TRERF1: variants seen among roughly 807,000 people sequenced by gnomAD.
TRERF1 encodes transcriptional-regulating factor 1.
Under a neutral mutation model 122.9 loss-of-function variants are expected in TRERF1, and 27 were observed. The observed-to-expected ratio is 0.22, with a 90% CI of 0.16 to 0.30. The LOEUF is 0.30. Among genes scored for constraint, TRERF1 ranks in the 10% least tolerant of loss-of-function variants. The probability of loss-of-function intolerance (pLI) is 1.00; values close to 1 mark genes in which losing one functional copy is unlikely to be tolerated. For synonymous variants in TRERF1, 636 were observed against 641.7 expected (o/e 0.99, Z 0.13); for missense variants, 1,248 against 1,560.3 (o/e 0.80, Z 3.37).
intron 2 of TRERF1, among the ~76,000 whole-genome samples, chr6:42,399,592 T>A (rs1779107190): frequency 6.6e-6 from 1 of 152,182 alleles, no homozygotes; most frequent in Non-Finnish European, 1.5e-5. Context: ...TAGCTTTGTA[T>A]CTAAAACACT....
intron 5 of TRERF1, among the ~76,000 whole-genome samples, chr6:42,267,011 C>T (rs954935670): frequency 3.3e-5 from 5 of 152,094 alleles, no homozygotes; most frequent in Non-Finnish European, 5.9e-5. Flanking sequence ...ATGGTATCTG[C>T]GAGACTCACA....
intron 2 of TRERF1, among the ~76,000 whole-genome samples, chr6:42,437,771 C>T (rs968086940): frequency 1.4e-4 from 21 of 152,156 alleles, no homozygotes; most frequent in African/African-American, 5.1e-4. Context: ...GAACGAGCTT[C>T]TGCATTTCTT....
At chr6:42,417,530 G>T (rs185238342) in intron 2 of TRERF1, among the ~76,000 whole-genome samples, 5 of 152,202 alleles carry the variant, frequency 3.3e-5, no homozygotes, top group Admixed American at 2.6e-4. Flanking sequence ...AGCCCAGTAT[G>T]ATGAGGCACT....
intron 3 of TRERF1, among the ~76,000 whole-genome samples, chr6:42,346,644 T>C (rs1030097241): frequency 1.3e-5 from 2 of 152,102 alleles, no homozygotes; most frequent in African/African-American, 2.4e-5. Context: ...TTTCAAAAGA[T>C]GGCTTTGCAG....
In TRERF1 at chr6:42,259,529, G is replaced by C. The variant is rs777272561; in HGVS notation, c.2079C>G (p.Leu693=). The C allele has an allele frequency of 2.5e-6, 4 of 1,613,266 alleles. No individual in the cohort carries two copies. The highest frequency in any genetic ancestry group is 3.4e-6 in the Non-Finnish European group (4 of 1,179,748). ...TGGGGTCCAGGAGCAGGTGGTCCCC[G>C]AGGACGCGCGGGGAGCGCAGCTGGC... Residue 693 remains leucine (L), a synonymous_variant, in exon 9 of 18, where the codon CTC becomes CTG. Transcript: ENST00000372922. This position sits in a 1 kb window ranked among gnomAD's most constrained non-coding sequence, Gnocchi z 4.9.
chr6:42,428,801 A>G (rs1475211962), intron 2 of TRERF1, among the ~76,000 whole-genome samples: 1 of 152,216 alleles, frequency 6.6e-6, no homozygotes, highest in Non-Finnish European at 1.5e-5. Context: ...TTAGAAAAGA[A>G]TGCTGGGAGG....
intron 3 of TRERF1, among the ~76,000 whole-genome samples, chr6:42,352,419 T>TA (rs1297766762): frequency 6.6e-6 from 1 of 152,252 alleles, no homozygotes; most frequent in African/African-American, 2.4e-5. Flanking sequence ...AAATTATAGG[T>TA]ATATTTTTAA....
intron 2 of TRERF1, among the ~76,000 whole-genome samples, chr6:42,424,464 T>G (rs76464813): frequency 0.024 from 3,694 of 152,324 alleles, 159 homozygotes; most frequent in African/African-American, 0.085. Flanking sequence ...TAAAATTATT[T>G]TATGCATTTG....
intron 2 of TRERF1, among the ~76,000 whole-genome samples, chr6:42,395,298 A>G (rs192909562): frequency 1.2e-4 from 19 of 152,302 alleles, no homozygotes; most frequent in African/African-American, 4.3e-4. Context: ...ACACCCAGAA[A>G]ATGAACAGCA....
chr6:42,246,447 C>A lies in TRERF1; in HGVS notation c.2745+9G>T, dbSNP rs375931202. On this transcript the variant is annotated intron_variant, in intron 14 of 17. Transcript: ENST00000372922. ...ATTTCAAGGGGGCAATGGGAAAAAT[C>A]ATGCTTACCATCTTCTGTACAAAAA... 24 of 1,568,328 alleles carry A rather than the reference C, an allele frequency of 1.5e-5. No homozygotes were observed. In the African/African-American group the frequency reaches 2.9e-4, roughly 19 times the overall value.
chr6:42,396,660 C>T (rs60880319), intron 2 of TRERF1, among the ~76,000 whole-genome samples: 15,030 of 152,198 alleles, frequency 0.099, 1,167 homozygotes, highest in African/African-American at 0.22. Context: ...CTCAGGCAAG[C>T]TACTCAACCT....
intron 3 of TRERF1, among the ~76,000 whole-genome samples, chr6:42,309,943 T>C (rs965018509): frequency 4.0e-5 from 6 of 151,626 alleles, no homozygotes; most frequent in Non-Finnish European, 8.8e-5. Context: ...GGGTCTCCTT[T>C]AGCAGAGACA....
chr6:42,238,589 G>T (rs1772819687), intron 15 of TRERF1, among the ~76,000 whole-genome samples: 3 of 152,114 alleles, frequency 2.0e-5, no homozygotes, highest in Non-Finnish European at 4.4e-5. Flanking sequence ...GGCAAATATG[G>T]GGGTGGGGAG....
intron 2 of TRERF1, among the ~76,000 whole-genome samples, chr6:42,397,198 T>G (rs777991824): frequency 3.3e-5 from 5 of 152,132 alleles, no homozygotes; most frequent in Non-Finnish European, 5.9e-5. Context: ...GAGGGCATCA[T>G]CGGAGTATGG....
At chr6:42,434,497 G>A (rs1784949364) in intron 2 of TRERF1, among the ~76,000 whole-genome samples, 1 of 151,774 alleles carries the variant, frequency 6.6e-6, no homozygotes, top group Non-Finnish European at 1.5e-5. Context: ...ACAATGGAAT[G>A]ACATTTCCAA....
At chr6:42,381,616 C>T (rs1211206413) in intron 2 of TRERF1, among the ~76,000 whole-genome samples, 2 of 151,820 alleles carry the variant, frequency 1.3e-5, no homozygotes, top group Non-Finnish European at 2.9e-5. Context: ...CCAGCCCAGC[C>T]GTGATTGAAG....
chr6:42,363,421 G>A lies in TRERF1; in HGVS notation c.-453-342C>T, dbSNP rs192143795. On this transcript the variant is annotated intron_variant, in intron 2 of 17. Transcript: ENST00000372922. ...AATATCCAGACCCTCACCGTTTCTC[G>A]ACACCTCCACTGGTACCACTTTAGT... Among the ~76,000 whole-genome samples the A allele has an allele frequency of 4.6e-5, 7 of 152,166 alleles. No homozygotes were observed. In the East Asian group the frequency reaches 9.7e-4, roughly 21 times the overall value.
At chr6:42,430,457 G>A (rs1456344178) in intron 2 of TRERF1, among the ~76,000 whole-genome samples, 3 of 152,178 alleles carry the variant, frequency 2.0e-5, no homozygotes, top group Non-Finnish European at 4.4e-5. Context: ...AATAGAAAAT[G>A]TTAATTAATA....
chr6:42,319,849 TATA>T (rs1237042662), intron 3 of TRERF1, among the ~76,000 whole-genome samples: 1 of 150,582 alleles, frequency 6.6e-6, no homozygotes. Context: ...TCAATAGACA[TATA>T]ATAATATAAT....
Sources: gnomAD v4.1 joint callset for allele counts (sites outside exome capture counted in the v4.1 genomes callset) on GRCh38, gnomAD v4.1.1 for gene constraint, Gnocchi (gnomAD v3.1) non-coding constraint, MANE v1.5 for transcripts, NCBI Gene and HGNC (gene_info 2026-07-23, HGNC 2026-07-21) for gene names.